The following GRID1 variants were observed in gnomAD, a reference collection of about 807,000 sequenced individuals.
GRID1 encodes glutamate receptor ionotropic, delta-1.
GRID1 carries 28 observed loss-of-function variants against 98.0 expected under a neutral mutation model. The ratio of observed to expected loss-of-function variants is 0.29; its 90% CI spans 0.21 to 0.39. The LOEUF (loss-of-function observed/expected upper bound fraction) is 0.39, where lower values mean the gene tolerates loss of function less well. Among genes scored for constraint, GRID1 ranks in the 10% least tolerant of loss-of-function variants. The pLI is 1.00. For synonymous variants in GRID1, 553 were observed against 538.5 expected (o/e 1.03, Z -0.37); for missense variants, 1,111 against 1,340.5 (o/e 0.83, Z 2.67).
At chr10:86,041,276 C>A (rs546188372) in intron 4 of GRID1, among the ~76,000 whole-genome samples, 7 of 152,310 alleles carry the variant, frequency 4.6e-5, no homozygotes, top group Admixed American at 1.3e-4. Context: ...CCTAGTGAGG[C>A]CTCCTGGAAG....
chr10:86,294,136 A>C (rs540517604), intron 2 of GRID1, among the ~76,000 whole-genome samples: 3 of 152,266 alleles, frequency 2.0e-5, no homozygotes, highest in Admixed American at 6.5e-5. Context: ...TCAGCACCAG[A>C]AAGTGAGGGT....
intron 8 of GRID1, among the ~76,000 whole-genome samples, chr10:85,773,401 T>G (rs1032461011): frequency 6.6e-6 from 1 of 152,240 alleles, no homozygotes; most frequent in African/African-American, 2.4e-5. Flanking sequence ...GCATTCCCTT[T>G]GAAAACTGGC....
At position 86,324,971 on chromosome 10, in the gene GRID1, C is replaced by T. The variant is rs115913735; in HGVS notation, c.235+38970G>A. ...TTCAAGGTGGAAGCACTCAAAGGAA[C>T]AGGGAGAGTTCATTTTGATAAAAGA... On this transcript the variant is annotated intron_variant, in intron 2 of 15. Coordinates refer to ENST00000327946, the MANE Select transcript of GRID1 (RefSeq NM_017551.3). 5.3e-3 allele frequency among the ~76,000 whole-genome samples: 799 copies of T among 152,154 alleles called. 6 individuals are homozygous for T. Among genetic ancestry groups the T allele is most frequent in the African/African-American group, 0.018 (763 of 41,504 alleles).
At chr10:86,301,554 A>G (rs959795483) in intron 2 of GRID1, among the ~76,000 whole-genome samples, 1 of 152,180 alleles carries the variant, frequency 6.6e-6, no homozygotes, top group Admixed American at 6.5e-5. Flanking sequence ...GGGGCCTACC[A>G]TCCAGCAGAT....
chr10:85,780,550 T>A (rs116932283), intron 8 of GRID1, among the ~76,000 whole-genome samples: 2,081 of 152,332 alleles, frequency 0.014, 18 homozygotes, highest in Non-Finnish European at 0.022. Flanking sequence ...ATGTGGATGA[T>A]AATCCCTCCT....
chr10:85,933,295 A>T (rs956029975), intron 4 of GRID1, among the ~76,000 whole-genome samples: 163 of 48,822 alleles, frequency 3.3e-3, no homozygotes, highest in African/African-American at 7.7e-3. Context: ...TAAAAAAAAA[A>T]AAAAAAAAAA....
rs188747431 is a variant in GRID1 at position 86,319,158 on chromosome 10, A to G, written c.235+44783T>C. Among the ~76,000 whole-genome samples, 51 of 152,196 alleles carry G rather than the reference A, an allele frequency of 3.4e-4. No homozygotes were observed. In the East Asian group the frequency reaches 8.1e-3, roughly 24 times the overall value. On this transcript the variant is annotated intron_variant, in intron 2 of 15. Coordinates refer to ENST00000327946, the MANE Select transcript of GRID1 (RefSeq NM_017551.3). ...AGGCCACTGTGGCTGAAGGGGAGGC[A>G]CCCAGGGAGAAAGGGAGTAGATGAG...
intron 5 of GRID1, among the ~76,000 whole-genome samples, chr10:85,895,885 A>G (rs943567959): frequency 2.6e-5 from 4 of 152,182 alleles, no homozygotes; most frequent in African/African-American, 4.8e-5. Flanking sequence ...AAGGGCCACA[A>G]GAGTCAAAAT....
chr10:85,819,732 G>A (rs541328796), intron 8 of GRID1, among the ~76,000 whole-genome samples: 62 of 152,020 alleles, frequency 4.1e-4, no homozygotes, highest in South Asian at 2.1e-4. Flanking sequence ...TGGCCAACAC[G>A]GTGAAACCCT....
intron 3 of GRID1, among the ~76,000 whole-genome samples, chr10:86,154,226 G>A (rs536360529): frequency 5.9e-5 from 9 of 152,300 alleles, no homozygotes; most frequent in Admixed American, 3.3e-4. Context: ...AGGGGAGTAG[G>A]GAAGTGAGCC....
chr10:85,725,447 C>T (rs944092923), intron 10 of GRID1, among the ~76,000 whole-genome samples: 3 of 152,114 alleles, frequency 2.0e-5, no homozygotes, highest in Non-Finnish European at 4.4e-5. Flanking sequence ...AAATGGGCTT[C>T]ATTTTAAAAA....
chr10:86,119,586 C>G (rs908733719), intron 4 of GRID1, among the ~76,000 whole-genome samples: 1 of 152,068 alleles, frequency 6.6e-6, no homozygotes, highest in African/African-American at 2.4e-5. Context: ...CTAAAATACT[C>G]CTCTAAAATG....
intron 14 of GRID1, among the ~76,000 whole-genome samples, chr10:85,619,640 C>T (rs925575121): frequency 6.6e-6 from 1 of 152,150 alleles, no homozygotes; most frequent in Admixed American, 6.5e-5. Context: ...GCATTACCTG[C>T]TCCTATCAGA....
intron 4 of GRID1, among the ~76,000 whole-genome samples, chr10:85,968,244 A>G (rs1842362109): frequency 6.7e-6 from 1 of 148,174 alleles, no homozygotes; most frequent in African/African-American, 2.5e-5. Flanking sequence ...AGGTCAAGAG[A>G]TCGAGACCAT....
chr10:85,748,282 C>T (rs1020101101), intron 8 of GRID1, among the ~76,000 whole-genome samples: 2 of 152,138 alleles, frequency 1.3e-5, no homozygotes, highest in African/African-American at 4.8e-5. Context: ...GTGTAATGTG[C>T]TTCCACTAAA....
At chr10:86,043,069 A>G (rs371154402) in intron 4 of GRID1, among the ~76,000 whole-genome samples, 2 of 152,280 alleles carry the variant, frequency 1.3e-5, no homozygotes, top group East Asian at 3.9e-4. Context: ...AGCCTGGGTG[A>G]CAGAGCAAGA....
chr10:85,766,801 A>C (rs371427749), intron 8 of GRID1, among the ~76,000 whole-genome samples: 3 of 145,198 alleles, frequency 2.1e-5, no homozygotes, highest in Admixed American at 6.9e-5. Flanking sequence ...CAGGTTTTTC[A>C]TGTTTTTTAG....
At chr10:86,279,585 G>A (rs1016664404) in intron 2 of GRID1, among the ~76,000 whole-genome samples, 2 of 152,232 alleles carry the variant, frequency 1.3e-5, no homozygotes, top group Non-Finnish European at 2.9e-5. Context: ...AGCAAACTAG[G>A]CATAGAAAGG....
intron 15 of GRID1, among the ~76,000 whole-genome samples, chr10:85,607,481 C>A (rs1467150264): frequency 6.6e-6 from 1 of 152,180 alleles, no homozygotes; most frequent in East Asian, 1.9e-4. Context: ...CCCCAACGGG[C>A]CGGGCTAGGG....
Sources: allele counts gnomAD v4.1 joint callset (sites outside exome capture counted in the v4.1 genomes callset), GRCh38; gene constraint gnomAD v4.1.1; transcripts MANE v1.5; gene names NCBI Gene and HGNC (gene_info 2026-07-23, HGNC 2026-07-21).